Variants in HEMK2 observed in about 807,000 individuals in gnomAD.
The protein encoded by HEMK2 is methyltransferase HEMK2.
At chr21:28,606,692 C>T in the HEMK2 span, among the ~76,000 whole-genome samples, 4 of 152,100 alleles carry the variant, frequency 2.6e-5, no homozygotes, top group East Asian at 1.9e-4. Flanking sequence ...CATTGAGCAA[C>T]GTCTCAATGT....
chr21:28,763,560 T>G, the HEMK2 span, among the ~76,000 whole-genome samples: 1 of 152,022 alleles, frequency 6.6e-6, no homozygotes, highest in Admixed American at 6.6e-5. Flanking sequence ...AACATGAGAT[T>G]TGGAGGGGAC....
At chr21:28,793,665 T>C in the HEMK2 span, among the ~76,000 whole-genome samples, 2 of 152,190 alleles carry the variant, frequency 1.3e-5, no homozygotes, top group Admixed American at 6.5e-5. Flanking sequence ...GAATGTGACC[T>C]TATTTGGAAA....
the HEMK2 span, among the ~76,000 whole-genome samples, chr21:28,726,607 C>T: frequency 6.6e-6 from 1 of 152,084 alleles, no homozygotes; most frequent in East Asian, 1.9e-4. Context: ...TAGTAGTCTA[C>T]CGTCAAAGAT....
chr21:28,731,463 C>T, the HEMK2 span, among the ~76,000 whole-genome samples: 87 of 152,084 alleles, frequency 5.7e-4, no homozygotes, highest in Non-Finnish European at 9.4e-4. Context: ...AATGATGCTG[C>T]CCCATTCTCT....
chr21:28,845,056 A>G, the HEMK2 span, among the ~76,000 whole-genome samples: 5 of 151,954 alleles, frequency 3.3e-5, 1 homozygote, highest in Non-Finnish European at 7.4e-5. Context: ...TCTACATTCA[A>G]TTTTCTAGAT....
the HEMK2 span, among the ~76,000 whole-genome samples, chr21:28,798,632 T>C: frequency 7.1e-3 from 1,082 of 152,240 alleles, 19 homozygotes; most frequent in African/African-American, 0.025. Flanking sequence ...CCTGTGTTCT[T>C]TGGGGGCCTG....
chr21:28,670,549 G>A, the HEMK2 span, among the ~76,000 whole-genome samples: 21 of 152,240 alleles, frequency 1.4e-4, no homozygotes, highest in Admixed American at 5.2e-4. Flanking sequence ...CAAGACTCTT[G>A]GAGGCTGACA....
At chr21:28,795,918 C>A in the HEMK2 span, among the ~76,000 whole-genome samples, 1 of 152,122 alleles carries the variant, frequency 6.6e-6, no homozygotes, top group Admixed American at 6.5e-5. Flanking sequence ...AAATGATCAG[C>A]AGTTTGACTG....
At chr21:28,882,157 T>C in the HEMK2 span, 1 of 1,569,512 alleles carries the variant, frequency 6.4e-7, no homozygotes, top group Non-Finnish European at 8.6e-7. Flanking sequence ...AAGATTATCT[T>C]ACCAAATCTG....
the HEMK2 span, chr21:28,885,294 C>G: frequency 6.3e-6 from 10 of 1,590,466 alleles, no homozygotes; most frequent in Non-Finnish European, 7.7e-6. Flanking sequence ...TCGCTGAAGG[C>G]GCCGCGGCCC....
chr21:28,753,325 C>G, the HEMK2 span, among the ~76,000 whole-genome samples: 1 of 150,072 alleles, frequency 6.7e-6, no homozygotes, highest in African/African-American at 2.5e-5. Flanking sequence ...CCACTGCACT[C>G]CAGCCTGGGC....
At chr21:28,879,750 A>C in the HEMK2 span, 1 of 644,008 alleles carries the variant, frequency 1.6e-6, no homozygotes, top group Non-Finnish European at 2.5e-6. Context: ...GACAATTAGG[A>C]GTAAAATCAG....
the HEMK2 span, among the ~76,000 whole-genome samples, chr21:28,592,795 T>C: frequency 6.6e-6 from 1 of 152,230 alleles, no homozygotes; most frequent in African/African-American, 2.4e-5. Context: ...GTTTAACAGC[T>C]GATCCAGCTA....
At chr21:28,882,602 A>G in the HEMK2 span, among the ~76,000 whole-genome samples, 1 of 110,036 alleles carries the variant, frequency 9.1e-6, no homozygotes, top group South Asian at 3.6e-4. Context: ...TAAATTAAAA[A>G]CACAGGAAAT....
At chr21:28,738,673 C>T in the HEMK2 span, among the ~76,000 whole-genome samples, 2 of 152,242 alleles carry the variant, frequency 1.3e-5, no homozygotes, top group Non-Finnish European at 2.9e-5. Context: ...CAGGTCACTG[C>T]CCCACTCCCT....
the HEMK2 span, among the ~76,000 whole-genome samples, chr21:28,788,316 A>T: frequency 6.6e-6 from 1 of 151,470 alleles, no homozygotes; most frequent in African/African-American, 2.4e-5. Flanking sequence ...ATATATGTGT[A>T]TACATATATG....
the HEMK2 span, among the ~76,000 whole-genome samples, chr21:28,733,640 T>TC: frequency 1.3e-5 from 2 of 151,720 alleles, no homozygotes; most frequent in Non-Finnish European, 2.9e-5. Context: ...GCGTACCCAC[T>TC]CCCCCCAACC....
the HEMK2 span, among the ~76,000 whole-genome samples, chr21:28,588,030 T>C: frequency 3.9e-5 from 6 of 152,166 alleles, no homozygotes; most frequent in African/African-American, 1.4e-4. Context: ...GCAGGGGTGT[T>C]CTCTCTTCTT....
At chr21:28,716,795 C>A in the HEMK2 span, among the ~76,000 whole-genome samples, 2 of 152,082 alleles carry the variant, frequency 1.3e-5, no homozygotes, top group Non-Finnish European at 2.9e-5. Context: ...ATGCCTAATT[C>A]TTGAGGGTTT....
Sources: gnomAD v4.1 joint callset for allele counts (sites outside exome capture counted in the v4.1 genomes callset) on GRCh38, gnomAD v4.1.1 for gene constraint, MANE v1.5 for transcripts, NCBI Gene and HGNC (gene_info 2026-07-23, HGNC 2026-07-21) for gene names.